TFB1M: variants seen among roughly 807,000 people sequenced by gnomAD.
TFB1M encodes transcription factor B1, mitochondrial.
TFB1M carries 27 observed loss-of-function variants against 31.1 expected under a neutral mutation model. The observed-to-expected ratio is 0.87, with a 90% CI of 0.64 to 1.20. The LOEUF (loss-of-function observed/expected upper bound fraction) is 1.20. TFB1M is among the 50% of genes most tolerant of loss of function. TFB1M has a pLI of 0.00. For missense variants in TFB1M, 394 were observed against 418.7 expected, an observed-to-expected ratio of 0.94 and a Z score of 0.51; for synonymous variants, 166 against 151.8, an observed-to-expected ratio of 1.09 and a Z score of -0.69.
At chr6:155,236,481 G>A in the TFB1M span, among the ~76,000 whole-genome samples, 15 of 152,150 alleles carry the variant, frequency 9.9e-5, no homozygotes, top group African/African-American at 3.6e-4. Context: ...TGGCCAACAT[G>A]GCAAAACCCC....
chr6:155,247,871 G>C, the TFB1M span: 1 of 1,195,206 alleles, frequency 8.4e-7, no homozygotes, highest in African/African-American at 1.5e-5. Flanking sequence ...CTGATGTGTT[G>C]GGGTTTTCAT....
At chr6:155,231,855 A>G in the TFB1M span, among the ~76,000 whole-genome samples, 1 of 152,222 alleles carries the variant, frequency 6.6e-6, no homozygotes, top group Non-Finnish European at 1.5e-5. Context: ...CAGGTGGATC[A>G]CCTGAGGTCA....
chr6:155,314,266 ACATCCGGGGAGCACTGCTAAGC>A lies in TFB1M; in HGVS notation c.133+8_133+29del. ...CCACGCCCCCACGGACACTGGGGAG[ACATCCGGGGAGCACTGCTAAGC>A]CATCCACCTGTCAGCCTCAAGTCCA... is the stretch of plus-strand genomic sequence containing the variant. On this transcript the variant is annotated splice_region_variant and intron_variant, in intron 1 of 6. Transcript: ENST00000367166. The A allele has an allele frequency of 6.2e-7, 1 of 1,611,710 alleles. No individual in the cohort carries two copies. The highest frequency in any genetic ancestry group is 2.2e-5 in the East Asian group (1 of 44,708).
chr6:155,288,382 T>C lies in TFB1M; in HGVS notation c.547-3105A>G, dbSNP rs114211644. Among the ~76,000 whole-genome samples the C allele has an allele frequency of 7.2e-3, 1,102 of 152,266 alleles. 19 individuals carry two copies. The highest frequency in any genetic ancestry group is 0.025 in the African/African-American group (1,057 of 41,556). On this transcript the variant is annotated intron_variant, in intron 4 of 6. Transcript: ENST00000367166. ...TAAAACCAAGACACATATACTCTCA[T>C]ACAGCTACAAAAAATGACAGAAGTA...
Position 155,257,308 on chromosome 6 carries a change from G to GAA in TFB1M, c.*526_*527dup. 1 of 660,874 alleles carries GAA rather than the reference G, an allele frequency of 1.5e-6. No homozygotes were observed. Among genetic ancestry groups the GAA allele is most frequent in the Non-Finnish European group, 2.5e-6 (1 of 402,884 alleles). 40.9% of individuals were successfully genotyped at this position (660,874 alleles called of 1,614,324 possible). A position where few individuals can be genotyped will look rare whatever the true frequency, so the allele number is the denominator to read the frequency against. Reference sequence around the variant, plus strand: ...TTTATTGTGGATCAGAAACCTAGATGAAACTGGTCAGAATCTGTAAATTAC... The same window carrying GAA: ...TTTATTGTGGATCAGAAACCTAGATGAAAAACTGGTCAGAATCTGTAAATTAC... On this transcript the variant is annotated 3_prime_UTR_variant, in exon 7 of 7. Transcript: ENST00000367166.
At position 155,282,458 on chromosome 6, in the gene TFB1M, A is replaced by G. The variant is rs558445673; in HGVS notation, c.666+2700T>C. 7.1e-4 allele frequency among the ~76,000 whole-genome samples: 108 copies of G among 152,346 alleles called. 1 individual carries two copies. The highest frequency in any genetic ancestry group is 2.5e-3 in the African/African-American group (106 of 41,576). The stretch of plus-strand genomic sequence containing the variant: ...TAAGTAAGCCCCTCATTGTATCACA[A>G]AAGAAATTCTCTATATCTGATTCTT... On this transcript the variant is annotated intron_variant, in intron 5 of 6. Transcript: ENST00000367166.
At chr6:155,253,245 C>CT, downstream of TFB1M, 1 of 513,844 alleles carries the variant, frequency 1.9e-6, no homozygotes, top group South Asian at 3.5e-5. Context: ...TGGTGGATAG[C>CT]TTTTTCTTTG....
intron 5 of TFB1M, among the ~76,000 whole-genome samples, chr6:155,268,811 C>T (rs112974423): frequency 0.019 from 2,921 of 150,748 alleles, 48 homozygotes; most frequent in African/African-American, 0.028. Context: ...ACAAACACTG[C>T]GGAAGGCCGC....
chr6:155,270,278 C>A (rs140398608), intron 5 of TFB1M, among the ~76,000 whole-genome samples: 2 of 152,280 alleles, frequency 1.3e-5, no homozygotes, highest in African/African-American at 2.4e-5. Flanking sequence ...CAGACAGAAA[C>A]ACAACTTGGG....
intron 4 of TFB1M, among the ~76,000 whole-genome samples, chr6:155,292,259 C>A (rs976188150): frequency 6.6e-6 from 1 of 152,074 alleles, no homozygotes; most frequent in Admixed American, 6.5e-5. Flanking sequence ...AACGCACACA[C>A]GCGGTGCTCA....
the TFB1M span, among the ~76,000 whole-genome samples, chr6:155,246,613 G>A: frequency 6.6e-6 from 1 of 152,154 alleles, no homozygotes; most frequent in African/African-American, 2.4e-5. Flanking sequence ...TGGGATTATA[G>A]GCATGAGCCA....
chr6:155,311,033 A>G, intron 2 of TFB1M, 155 bp downstream of exon 2: 1 of 806,784 alleles, frequency 1.2e-6, no homozygotes, highest in East Asian at 2.7e-5. Flanking sequence ...AGATTTCTCC[A>G]GACTATGGAA....
chr6:155,286,839 A>T (rs539331565), intron 4 of TFB1M, among the ~76,000 whole-genome samples: 1 of 151,912 alleles, frequency 6.6e-6, no homozygotes, highest in Admixed American at 6.6e-5. Flanking sequence ...AAACTACTGT[A>T]CTTTATTAAA....
At chr6:155,248,262 A>C in the TFB1M span, 126 of 1,456,920 alleles carry the variant, frequency 8.6e-5, no homozygotes, top group Middle Eastern at 2.5e-4. Flanking sequence ...CTGACAGCTC[A>C]CCTCTTCCCC....
the TFB1M span, among the ~76,000 whole-genome samples, chr6:155,247,486 G>A: frequency 2.0e-5 from 3 of 151,882 alleles, no homozygotes; most frequent in Non-Finnish European, 4.4e-5. Flanking sequence ...CCACCACCAC[G>A]CCCGGCGAAT....
chr6:155,261,865 T>A (rs1226762464), intron 5 of TFB1M, among the ~76,000 whole-genome samples: 1 of 152,240 alleles, frequency 6.6e-6, no homozygotes, highest in South Asian at 2.1e-4. Flanking sequence ...AGCCTTCTTG[T>A]GAAGTCCAGC....
Position 155,257,084 on chromosome 6 carries a change from A to C in TFB1M, c.*752T>G. On this transcript the variant is annotated 3_prime_UTR_variant, in exon 7 of 7. Transcript: ENST00000367166. Reference sequence around the variant, plus strand: ...AGTTTAACATCTGTTGTCAGTGAGGAGTGTTTTTATGAAACAGAGAGCCAC... The same window carrying C: ...AGTTTAACATCTGTTGTCAGTGAGGCGTGTTTTTATGAAACAGAGAGCCAC... The C allele has an allele frequency of 6.2e-7, 1 of 1,600,826 alleles. No homozygotes were observed. Among genetic ancestry groups the C allele is most frequent in the Admixed American group, 1.7e-5 (1 of 59,482 alleles).
intron 2 of TFB1M, among the ~76,000 whole-genome samples, chr6:155,308,625 C>T (rs944594692): frequency 6.6e-6 from 1 of 152,168 alleles, no homozygotes; most frequent in Non-Finnish European, 1.5e-5. Flanking sequence ...ACTAAACATA[C>T]TAGACATGTT....
intron 2 of TFB1M, chr6:155,310,896 T>C (rs1777987287): frequency 2.6e-6 from 1 of 383,892 alleles, no homozygotes; most frequent in East Asian, 5.3e-5. Flanking sequence ...TGCATAGCTA[T>C]TAGCAGACTT....
Sources: gnomAD v4.1 joint callset for allele counts (sites outside exome capture counted in the v4.1 genomes callset) on GRCh38, gnomAD v4.1.1 for gene constraint, MANE v1.5 for transcripts, NCBI Gene and HGNC (gene_info 2026-07-23, HGNC 2026-07-21) for gene names.